ST18: variants seen among roughly 807,000 people sequenced by gnomAD.
ST18 encodes the protein suppression of tumorigenicity 18 protein.
Under a neutral mutation model 110.0 loss-of-function variants are expected in ST18, and 50 were observed. The ratio of observed to expected loss-of-function variants is 0.45; its 90% CI spans 0.36 to 0.58. The LOEUF is 0.58. ST18 is among the 20% of genes least tolerant of loss of function. The probability of loss-of-function intolerance (pLI) is 0.00; values close to 1 mark genes in which losing one functional copy is unlikely to be tolerated. For synonymous variants in ST18, 461 were observed against 452.4 expected (o/e 1.02, Z -0.24); for missense variants, 1,306 against 1,280.1 (o/e 1.02, Z -0.31).
chr8:52,315,566 A>G (rs1452365487), intron 2 of ST18, among the ~76,000 whole-genome samples: 2 of 152,158 alleles, frequency 1.3e-5, no homozygotes, highest in Non-Finnish European at 2.9e-5. Flanking sequence ...TTTACTTACT[A>G]TTATTGTATT....
intron 15 of ST18, among the ~76,000 whole-genome samples, chr8:52,157,199 A>C (rs749295022): frequency 3.7e-4 from 57 of 152,208 alleles, no homozygotes; most frequent in Non-Finnish European, 7.1e-4. Flanking sequence ...GATAAGGGGA[A>C]AAGCCCTGTA....
At chr8:52,234,256 C>G (rs2092205173) in intron 2 of ST18, among the ~76,000 whole-genome samples, 1 of 151,308 alleles carries the variant, frequency 6.6e-6, no homozygotes, top group African/African-American at 2.4e-5. Context: ...TCTTAAAGAA[C>G]TAAAAGTAGA....
chr8:52,195,046 C>T (rs956413204), intron 8 of ST18, among the ~76,000 whole-genome samples: 1 of 152,190 alleles, frequency 6.6e-6, no homozygotes, highest in African/African-American at 2.4e-5. Context: ...TGGGCACTCC[C>T]AAACTCCTTT....
chr8:52,325,755 A>C (rs1346455969), intron 2 of ST18, among the ~76,000 whole-genome samples: 3 of 152,208 alleles, frequency 2.0e-5, no homozygotes, highest in Non-Finnish European at 4.4e-5. Context: ...GACTCTTTCC[A>C]AACCAGACTC....
intron 2 of ST18, among the ~76,000 whole-genome samples, chr8:52,316,156 TCA>T (rs1304765476): frequency 6.6e-6 from 1 of 152,238 alleles, no homozygotes; most frequent in Non-Finnish European, 1.5e-5. Flanking sequence ...AATTAGAATC[TCA>T]CAGTGTGAAT....
chr8:52,180,364 T>C (rs577294068), intron 8 of ST18, 52 bp from the exon 9 acceptor site: 1 of 1,593,016 alleles, frequency 6.3e-7, no homozygotes, highest in Admixed American at 1.7e-5. Context: ...TTTACTGCTG[T>C]TTGGCATTTA....
At chr8:52,313,092 C>T (rs930792737) in intron 2 of ST18, 1 of 152,380 alleles carries the variant, frequency 6.6e-6, no homozygotes, top group East Asian at 1.9e-4. Flanking sequence ...GCCATGTGAT[C>T]CCAGGCCCCT....
chr8:52,284,243 A>T (rs1225400386), intron 2 of ST18, among the ~76,000 whole-genome samples: 2 of 152,180 alleles, frequency 1.3e-5, no homozygotes, highest in East Asian at 3.9e-4. Flanking sequence ...AACTGCTTGG[A>T]TGAGGGAAGG....
intron 2 of ST18, among the ~76,000 whole-genome samples, chr8:52,248,152 T>C (rs1033179916): frequency 3.3e-5 from 5 of 152,300 alleles, no homozygotes; most frequent in African/African-American, 9.6e-5. Context: ...TCACGAATAC[T>C]ACTACTAAGC....
At chr8:52,217,077 G>T (rs1464364462) in intron 6 of ST18, among the ~76,000 whole-genome samples, 1 of 152,096 alleles carries the variant, frequency 6.6e-6, no homozygotes, top group Non-Finnish European at 1.5e-5. Context: ...AGACTTGATC[G>T]TCTTTACTGC....
At chr8:52,253,521 A>G (rs555008929) in intron 2 of ST18, among the ~76,000 whole-genome samples, 2 of 152,190 alleles carry the variant, frequency 1.3e-5, no homozygotes, top group Admixed American at 6.5e-5. Flanking sequence ...AGACAAAATT[A>G]TAACTACCAT....
chr8:52,394,505 T>C (rs1292633720), intron 2 of ST18, among the ~76,000 whole-genome samples: 3 of 152,166 alleles, frequency 2.0e-5, no homozygotes, highest in African/African-American at 7.2e-5. Context: ...CCATCCTCTG[T>C]TTTCCAATCC....
chr8:52,273,161 T>C (rs2095131758), intron 2 of ST18, among the ~76,000 whole-genome samples: 1 of 152,182 alleles, frequency 6.6e-6, no homozygotes, highest in African/African-American at 2.4e-5. Context: ...TAACATCACA[T>C]CCATATCTAT....
chr8:52,364,025 T>C (rs1378590807), intron 2 of ST18, among the ~76,000 whole-genome samples: 2 of 152,202 alleles, frequency 1.3e-5, no homozygotes, highest in Non-Finnish European at 2.9e-5. Flanking sequence ...AGGACTGTGG[T>C]ATCGATTACA....
intron 2 of ST18, among the ~76,000 whole-genome samples, chr8:52,326,045 C>T (rs988169172): frequency 1.3e-5 from 2 of 152,214 alleles, no homozygotes; most frequent in Non-Finnish European, 2.9e-5. Flanking sequence ...TTCAGACCCA[C>T]ATCCATAGTT....
chr8:52,380,209 T>A (rs771299573), intron 2 of ST18, among the ~76,000 whole-genome samples: 1 of 152,174 alleles, frequency 6.6e-6, no homozygotes, highest in Non-Finnish European at 1.5e-5. Flanking sequence ...TTCAGACAAA[T>A]CATCTTGCAA....
chr8:52,397,994 T>A (rs1271083285), intron 2 of ST18, among the ~76,000 whole-genome samples: 1 of 152,158 alleles, frequency 6.6e-6, no homozygotes, highest in African/African-American at 2.4e-5. Flanking sequence ...AATATTGGAA[T>A]TTTGACAAGG....
At chr8:52,342,304 C>T (rs566123308) in intron 2 of ST18, among the ~76,000 whole-genome samples, 1 of 151,834 alleles carries the variant, frequency 6.6e-6, no homozygotes, top group Non-Finnish European at 1.5e-5. Flanking sequence ...GAATCCAGAA[C>T]AAAAATGAAG....
intron 21 of ST18, 29 bp from the exon 22 acceptor site, chr8:52,132,208 C>T: frequency 6.3e-7 from 1 of 1,576,604 alleles, no homozygotes. Flanking sequence ...CATTACCAGC[C>T]AGGAAGAAGG....
Sources: gnomAD v4.1 joint callset for allele counts (sites outside exome capture counted in the v4.1 genomes callset) on GRCh38, gnomAD v4.1.1 for gene constraint, MANE v1.5 for transcripts, NCBI Gene and HGNC (gene_info 2026-07-23, HGNC 2026-07-21) for gene names.